TMEM30A: variants seen among roughly 807,000 people sequenced by gnomAD.
The protein encoded by TMEM30A is cell division cycle 50 P4-ATPase accessory subunit A.
A neutral mutation model predicts 38.2 loss-of-function variants in TMEM30A; 24 were observed. The ratio of observed to expected loss-of-function variants is 0.63; its 90% CI spans 0.46 to 0.88. The LOEUF is 0.88. Among genes scored for constraint, TMEM30A ranks in the 40% least tolerant of loss-of-function variants. The probability of loss-of-function intolerance (pLI) is 0.00; values close to 1 mark genes in which losing one functional copy is unlikely to be tolerated. For missense variants in TMEM30A, 370 were observed against 458.6 expected (o/e 0.81, Z 1.77); for synonymous variants, 145 against 161.6 (o/e 0.90, Z 0.78).
Position 75,252,985 on chromosome 6 carries a change from TTA to T in TMEM30A, c.*3115_*3116del, listed in dbSNP as rs1771805871. On this transcript the variant is annotated 3_prime_UTR_variant, in exon 7 of 7. Coordinates refer to ENST00000230461, the MANE Select transcript of TMEM30A (RefSeq NM_018247.4). ...AATGACATTAGCAGAATTGTGATTT[TTA>T]TGTTTACTGAATGGTGCATGGGATA... is the stretch of plus-strand genomic sequence containing the variant. The T allele has an allele frequency of 6.6e-6, 1 of 152,128 alleles. No individual in the cohort carries two copies. Among genetic ancestry groups the T allele is most frequent in the South Asian group, 2.1e-4 (1 of 4,832 alleles). The allele number at this position is 152,128 out of a possible 1,614,324, so 9.4% of individuals were successfully genotyped here. A position where few individuals can be genotyped will look rare whatever the true frequency, so the allele number is the denominator to read the frequency against.
chr6:75,279,860 C>G (rs1582287503), intron 1 of TMEM30A, among the ~76,000 whole-genome samples: 1 of 151,940 alleles, frequency 6.6e-6, no homozygotes, highest in Non-Finnish European at 1.5e-5. Flanking sequence ...GTAAATTTGT[C>G]AAAAAGGAAA....
Position 75,267,732 on chromosome 6 carries a change from G to A in TMEM30A, c.254C>T (p.Thr85Ile). The A allele has an allele frequency of 6.2e-7, 1 of 1,602,948 alleles. No individual in the cohort carries two copies. The highest frequency in any genetic ancestry group is 1.7e-5 in the Admixed American group (1 of 58,582). ...IREIEIDYTGTEPSSPCNKCL... is the reference protein window; with the variant it reads ...IREIEIDYTGIEPSSPCNKCL... The stretch of plus-strand genomic sequence containing the variant: ...TTTATTACAGGGACTGGAAGGCTCT[G>A]TTCCGGTATAATCAATCTGCAAGAG... The change falls in exon 2 of 7, where the codon ACA becomes ATA. Residue 85 changes from threonine to isoleucine, a missense_variant. Transcript: ENST00000230461.
chr6:75,284,428 T>G lies in TMEM30A; in HGVS notation c.211A>C (p.Thr71Pro), dbSNP rs766625210. Reference sequence around the variant, plus strand: ...TCGATCTCGCGGATGTTGTTGGAGGTGACAAAAATGCCAATGCCGATGGGA... The same window carrying G: ...TCGATCTCGCGGATGTTGTTGGAGGGGACAAAAATGCCAATGCCGATGGGA... ...FIPIGIGIFV[T>P]SNNIREIEID... Residue 71 changes from threonine to proline, a missense_variant, in exon 1 of 7, where the codon ACC becomes CCC. Transcript: ENST00000230461. The G allele has an allele frequency of 1.9e-6, 3 of 1,613,708 alleles. No homozygotes were observed. The highest frequency in any genetic ancestry group is 1.7e-6 in the Non-Finnish European group (2 of 1,179,928).
intron 1 of TMEM30A, among the ~76,000 whole-genome samples, chr6:75,270,861 T>A (rs939868994): frequency 1.3e-5 from 2 of 152,208 alleles, no homozygotes; most frequent in Non-Finnish European, 2.9e-5. Flanking sequence ...AGAGAAACTT[T>A]TCTTTCACTG....
At position 75,261,077 on chromosome 6, in the gene TMEM30A, T is replaced by C. The variant is rs117307632; in HGVS notation, c.454-166A>G. ...CTATAGATAACACCACATTTAAATA[T>C]TCAAAATGTATTCTGAACATTACTG... On this transcript the variant is annotated intron_variant, in intron 3 of 6. Coordinates refer to ENST00000230461, the MANE Select transcript of TMEM30A (RefSeq NM_018247.4). 9.0e-3 allele frequency among the ~76,000 whole-genome samples: 1,373 copies of C among 152,370 alleles called. 12 individuals are homozygous for C. Among genetic ancestry groups the C allele is most frequent in the Non-Finnish European group, 0.013 (868 of 68,028 alleles).
intron 1 of TMEM30A, among the ~76,000 whole-genome samples, chr6:75,280,297 ACT>A (rs1050128469): frequency 4.6e-5 from 7 of 151,956 alleles, no homozygotes; most frequent in Non-Finnish European, 7.4e-5. Flanking sequence ...ATTCATTAAA[ACT>A]CTAAGTCATG....
intron 1 of TMEM30A, among the ~76,000 whole-genome samples, chr6:75,274,330 A>T (rs1037977378): frequency 1.3e-5 from 2 of 152,166 alleles, no homozygotes; most frequent in Non-Finnish European, 2.9e-5. Flanking sequence ...AGAAAATTAC[A>T]CTCTATGTAA....
chr6:75,277,494 C>T (rs1051959814), intron 1 of TMEM30A, among the ~76,000 whole-genome samples: 1 of 152,202 alleles, frequency 6.6e-6, no homozygotes, highest in Non-Finnish European at 1.5e-5. Context: ...ATCCCAGCTA[C>T]TCGGGAGGCC....
chr6:75,284,745 A>T lies in TMEM30A; in HGVS notation c.-107T>A. ...GCGCCGCTGCCGCCGCCGCCGCCGC[A>T]GCCACCAGCGCCACCGCCACAGCCA... On this transcript the variant is annotated 5_prime_UTR_variant, in exon 1 of 7. Transcript: ENST00000230461. The T allele has an allele frequency of 1.8e-6, 2 of 1,092,236 alleles. No homozygotes were observed. The highest frequency in any genetic ancestry group is 2.5e-5 in the South Asian group (2 of 79,364). The allele number at this position is 1,092,236 out of a possible 1,614,324, so 67.7% of individuals were successfully genotyped here.
At chr6:75,259,026 A>C (rs1226833433) in intron 5 of TMEM30A, 40 bp from the exon 6 acceptor site, 1 of 1,525,956 alleles carries the variant, frequency 6.6e-7, no homozygotes, top group Non-Finnish European at 9.0e-7. Flanking sequence ...ACAAAATATT[A>C]CATTGTGAAA....
chr6:75,262,658 A>G lies in TMEM30A; in HGVS notation c.454-1747T>C, dbSNP rs113694969. Among the ~76,000 whole-genome samples the G allele has an allele frequency of 4.1e-3, 622 of 152,000 alleles. 6 individuals carry two copies. The highest frequency in any genetic ancestry group is 0.014 in the African/African-American group (598 of 41,466). ...AGACTCCGTCTCAAAAAAAAAAACA[A>G]CAAACAACAACAACAAAAAAAAACA... On this transcript the variant is annotated intron_variant, in intron 3 of 6. Transcript: ENST00000230461.
rs1460307079 is a variant in TMEM30A, at chr6:75,254,822, G to C, written c.*1280C>G. On this transcript the variant is annotated 3_prime_UTR_variant, in exon 7 of 7. Transcript: ENST00000230461. ...CATGTGGAAAAATTATTTTTAACTA[G>C]AACTTTAAGAATAAGTTCCATAGCA... 1 of 152,304 alleles carries C rather than the reference G, an allele frequency of 6.6e-6. No individual in the cohort carries two copies. The highest frequency in any genetic ancestry group is 1.9e-4 in the East Asian group (1 of 5,192). The allele number at this position is 152,304 out of a possible 1,614,324, so 9.4% of individuals were successfully genotyped here.
chr6:75,280,961 TCAGAAACTAGGACAA>T (rs1772347890), intron 1 of TMEM30A, among the ~76,000 whole-genome samples: 1 of 151,992 alleles, frequency 6.6e-6, no homozygotes, highest in African/African-American at 2.4e-5. Flanking sequence ...AAAATTTTTA[TCAGAAACTAGGACAA>T]CAGAAAATAA....
intron 1 of TMEM30A, among the ~76,000 whole-genome samples, chr6:75,269,066 C>G (rs1772120774): frequency 6.6e-6 from 1 of 152,196 alleles, no homozygotes; most frequent in Non-Finnish European, 1.5e-5. Context: ...CATATACTCT[C>G]TGCCTCTGAC....
intron 1 of TMEM30A, among the ~76,000 whole-genome samples, chr6:75,280,307 A>G (rs56658787): frequency 0.041 from 6,270 of 152,220 alleles, 432 homozygotes; most frequent in African/African-American, 0.14. Flanking sequence ...ACTCTAAGTC[A>G]TGGGCAGGCA....
rs1280490780 is a variant in TMEM30A, at chr6:75,281,172, C to T, written c.237+3230G>A. Among the ~76,000 whole-genome samples the T allele has an allele frequency of 2.6e-5, 4 of 152,182 alleles. No homozygotes were observed. The East Asian group carries it at 7.7e-4, about 29-fold the overall frequency. ...AACTTAGTCTGAATAACAACCTAAT[C>T]TGACTTAAACCATAAATTTAAAACT... On this transcript the variant is annotated intron_variant, in intron 1 of 6. Transcript: ENST00000230461.
chr6:75,274,547 G>C (rs1385098381), intron 1 of TMEM30A, among the ~76,000 whole-genome samples: 1 of 152,146 alleles, frequency 6.6e-6, no homozygotes, highest in Non-Finnish European at 1.5e-5. Context: ...GTGGCAGCAG[G>C]AATACAAAAG....
intron 3 of TMEM30A, among the ~76,000 whole-genome samples, chr6:75,264,373 A>G (rs939963926): frequency 4.6e-5 from 7 of 152,072 alleles, no homozygotes; most frequent in African/African-American, 1.7e-4. Context: ...CGGTGGCTCA[A>G]GCCTGTAATC....
At chr6:75,261,182 C>T (rs1248524059) in intron 3 of TMEM30A, among the ~76,000 whole-genome samples, 1 of 151,950 alleles carries the variant, frequency 6.6e-6, no homozygotes, top group African/African-American at 2.4e-5. Flanking sequence ...TTTTGATTTT[C>T]TTATCACAGA....
Sources: allele counts gnomAD v4.1 joint callset (sites outside exome capture counted in the v4.1 genomes callset), GRCh38; gene constraint gnomAD v4.1.1; transcripts MANE v1.5; gene names NCBI Gene and HGNC (gene_info 2026-07-23, HGNC 2026-07-21).